The following ARGFX variants were observed in gnomAD, a reference collection of about 807,000 sequenced individuals.
The protein encoded by ARGFX is arginine-fifty homeobox.
A neutral mutation model predicts 8.0 loss-of-function variants in ARGFX; 10 were observed. That is an observed-to-expected ratio of 1.25 (90% CI 0.77 to 2.12). The LOEUF is 2.12. Ranked by LOEUF, ARGFX falls within the 30% of genes most tolerant of loss-of-function variation. The pLI, the probability that ARGFX is intolerant of heterozygous loss-of-function variation, is 0.00. For synonymous variants in ARGFX, 116 were observed against 117.8 expected, an observed-to-expected ratio of 0.98 and a Z score of 0.10; for missense variants, 282 against 324.3, an observed-to-expected ratio of 0.87 and a Z score of 1.00.
At chr3:121,581,643 G>A (rs975804613) in intron 3 of ARGFX, among the ~76,000 whole-genome samples, 1 of 152,126 alleles carries the variant, frequency 6.6e-6, no homozygotes, top group Non-Finnish European at 1.5e-5. Context: ...GCTCATACCT[G>A]TAATTCTAGC....
chr3:121,571,740 T>G (rs1033036719), intron 2 of ARGFX, among the ~76,000 whole-genome samples: 6 of 146,560 alleles, frequency 4.1e-5, no homozygotes, highest in African/African-American at 2.5e-5. Context: ...ATTTTTTTTT[T>G]TTTTTTTTTT....
chr3:121,577,261 T>TATATA (rs1560120621), intron 3 of ARGFX, among the ~76,000 whole-genome samples: 343 of 37,188 alleles, frequency 9.2e-3, no homozygotes, highest in Middle Eastern at 0.037. Context: ...ATATATATAT[T>TATATA]TTTTTTTTTT....
At chr3:121,578,333 G>A (rs2048757383) in intron 3 of ARGFX, among the ~76,000 whole-genome samples, 1 of 151,894 alleles carries the variant, frequency 6.6e-6, no homozygotes, top group Non-Finnish European at 1.5e-5. Flanking sequence ...CTCCATGTTC[G>A]TCAGGCTGAT....
At position 121,587,662 on chromosome 3, in the gene ARGFX, TG is replaced by T. The variant is rs1428796020; in HGVS notation, c.*1063del. 6.6e-5 allele frequency among the ~76,000 whole-genome samples: 10 copies of T among 151,560 alleles called. No individual in the cohort carries two copies. The highest frequency in any genetic ancestry group is 2.4e-4 in the African/African-American group (10 of 41,386). On this transcript the variant is annotated 3_prime_UTR_variant, in exon 5 of 5. Transcript: ENST00000334384. Reference sequence around the variant, plus strand: ...ATTTTGTTTCCAATTTTTCATTTTTTGTTTGTTATTTGTTTTTTGTAGACAG... The same window carrying T: ...ATTTTGTTTCCAATTTTTCATTTTTTTTTGTTATTTGTTTTTTGTAGACAG...
chr3:121,579,945 CTTTTTTTTT>C lies in ARGFX; in HGVS notation c.220+3063_220+3071del, dbSNP rs1174620508. Among the ~76,000 whole-genome samples the C allele has an allele frequency of 7.2e-4, 66 of 91,578 alleles. 2 individuals carry two copies. The highest frequency in any genetic ancestry group is 3.6e-3 in the East Asian group (14 of 3,866). 60.1% of individuals were successfully genotyped at this position (91,578 alleles called of 152,430 possible). The stretch of plus-strand genomic sequence containing the variant: ...CTTTCTTTTTCTTTTCTTTTCTTTT[CTTTTTTTTT>C]TTTTTTTTTTTTTTTTTGAGACAGG... On this transcript the variant is annotated intron_variant, in intron 3 of 4. Transcript: ENST00000334384.
rs371788576 is a variant in ARGFX at position 121,587,376 on chromosome 3, G to A, written c.*776G>A. Among the ~76,000 whole-genome samples the A allele has an allele frequency of 1.3e-5, 2 of 151,882 alleles. No individual in the cohort carries two copies. The highest frequency in any genetic ancestry group is 4.8e-5 in the African/African-American group (2 of 41,440). ...CAATTTTTGTGTTTTTTGTAGAGAC[G>A]AGGTTTTGCCATGTTGCCCAGGCTG... On this transcript the variant is annotated 3_prime_UTR_variant, in exon 5 of 5. Transcript: ENST00000334384.
chr3:121,584,367 C>A (rs1382044511), intron 3 of ARGFX, among the ~76,000 whole-genome samples: 2 of 152,040 alleles, frequency 1.3e-5, no homozygotes, highest in African/African-American at 4.8e-5. Flanking sequence ...AGAGGAAACC[C>A]ATTTAGAAGA....
rs2048713032 is a variant in ARGFX at position 121,572,221 on chromosome 3, T to TTTATTA, written c.103+1411_103+1416dup. On this transcript the variant is annotated intron_variant, in intron 2 of 4. Coordinates refer to ENST00000334384, the MANE Select transcript of ARGFX (RefSeq NM_001012659.2). ...ACCTCGCCTGGCCAGCTTTAATATT[T>TTTATTA]TTATTATTATTGTTGTTTTTTTTTT... 2.9e-5 allele frequency among the ~76,000 whole-genome samples: 4 copies of TTTATTA among 138,354 alleles called. No homozygotes were observed. The South Asian group carries it at 7.2e-4, about 25-fold the overall frequency. 90.8% of individuals were successfully genotyped at this position (138,354 alleles called of 152,430 possible).
intron 3 of ARGFX, among the ~76,000 whole-genome samples, chr3:121,579,152 G>A (rs2048762390): frequency 6.6e-6 from 1 of 152,134 alleles, no homozygotes; most frequent in African/African-American, 2.4e-5. Flanking sequence ...TGGAAGAAAT[G>A]CGCCCCACAT....
At chr3:121,578,330 T>G (rs2048757347) in intron 3 of ARGFX, among the ~76,000 whole-genome samples, 1 of 152,008 alleles carries the variant, frequency 6.6e-6, no homozygotes, top group Non-Finnish European at 1.5e-5. Context: ...TTTCTCCATG[T>G]TCGTCAGGCT....
At chr3:121,570,850 T>C (rs2108833648) in intron 2 of ARGFX, 34 bp downstream of exon 2, 2 of 1,433,736 alleles carry the variant, frequency 1.4e-6, no homozygotes, top group Non-Finnish European at 1.9e-6. Flanking sequence ...TCTTTCCTTT[T>C]CTACTGCCCC....
intron 1 of ARGFX, among the ~76,000 whole-genome samples, chr3:121,570,409 T>C (rs1259161009): frequency 2.0e-5 from 3 of 152,226 alleles, no homozygotes; most frequent in Non-Finnish European, 2.9e-5. Context: ...TATCTTTTCG[T>C]GTATAGATTG....
At chr3:121,579,841 G>C (rs1429921276) in intron 3 of ARGFX, among the ~76,000 whole-genome samples, 1 of 151,820 alleles carries the variant, frequency 6.6e-6, no homozygotes, top group East Asian at 1.9e-4. Flanking sequence ...TGCCCGCCTT[G>C]GCATCCCAAA....
chr3:121,577,181 GTA>G (rs1377193458), intron 3 of ARGFX, among the ~76,000 whole-genome samples: 3 of 110,016 alleles, frequency 2.7e-5, no homozygotes, highest in Non-Finnish European at 5.9e-5. Flanking sequence ...AGTGTGTTGT[GTA>G]TATATGTATG....
chr3:121,580,285 G>A (rs1433916336), intron 3 of ARGFX, among the ~76,000 whole-genome samples: 2 of 151,766 alleles, frequency 1.3e-5, no homozygotes, highest in African/African-American at 4.8e-5. Context: ...TGGGATTACA[G>A]GCATGCACCA....
intron 3 of ARGFX, among the ~76,000 whole-genome samples, chr3:121,579,720 G>A (rs1366099452): frequency 6.6e-6 from 1 of 152,074 alleles, no homozygotes; most frequent in African/African-American, 2.4e-5. Context: ...CTGATGAGCT[G>A]GGTATGGTGG....
intron 3 of ARGFX, among the ~76,000 whole-genome samples, chr3:121,578,115 C>T (rs2048755368): frequency 7.3e-6 from 1 of 137,666 alleles, no homozygotes; most frequent in African/African-American, 2.7e-5. Flanking sequence ...ATTCCCCCTA[C>T]CCCACTTTTT....
intron 3 of ARGFX, among the ~76,000 whole-genome samples, chr3:121,582,179 C>T (rs920164341): frequency 2.0e-5 from 3 of 152,040 alleles, no homozygotes; most frequent in African/African-American, 7.2e-5. Flanking sequence ...CACAAATGCA[C>T]CCCTATGGGA....
At chr3:121,576,949 G>A (rs1019678102) in intron 3 of ARGFX, 49 bp downstream of exon 3, 9 of 223,014 alleles carry the variant, frequency 4.0e-5, no homozygotes, top group African/African-American at 1.9e-4. Context: ...TCACCATGTG[G>A]TCCAGACTGT....
Sources: allele counts gnomAD v4.1 joint callset (sites outside exome capture counted in the v4.1 genomes callset), GRCh38; gene constraint gnomAD v4.1.1; transcripts MANE v1.5; gene names NCBI Gene and HGNC (gene_info 2026-07-23, HGNC 2026-07-21).